EEF2KMT: variants seen among roughly 807,000 people sequenced by gnomAD.
The protein encoded by EEF2KMT is eukaryotic elongation factor 2 lysine methyltransferase, also known as protein-lysine N-methyltransferase EEF2KMT.
In EEF2KMT, 30 loss-of-function variants were observed where a neutral mutation model predicts 35.1. That is an observed-to-expected ratio of 0.85 (90% CI 0.64 to 1.16). The LOEUF (loss-of-function observed/expected upper bound fraction) is 1.16, where lower values mean the gene tolerates loss of function less well. EEF2KMT is among the 50% of genes most tolerant of loss of function. EEF2KMT has a pLI of 0.00. For missense variants in EEF2KMT, 499 were observed against 438.2 expected (o/e 1.14, Z -1.24); for synonymous variants, 190 against 187.7 (o/e 1.01, Z -0.10).
At chr16:5,094,060 G>T (rs1466911601) in intron 2 of EEF2KMT, among the ~76,000 whole-genome samples, 2 of 152,228 alleles carry the variant, frequency 1.3e-5, no homozygotes, top group East Asian at 3.8e-4. Context: ...AACAGCTGGT[G>T]CAAGCTCTGA....
rs1567174692 is a variant in EEF2KMT at position 5,085,697 on chromosome 16, G to A, written c.928C>T (p.His310Tyr). The A allele has an allele frequency of 3.7e-6, 6 of 1,611,806 alleles. No individual in the cohort carries two copies. Among genetic ancestry groups the A allele is most frequent in the East Asian group, 2.2e-5 (1 of 44,884 alleles). The change falls in exon 8 of 8, where the codon CAT (histidine) becomes TAT (tyrosine). Residue 310 changes from histidine (H) to tyrosine (Y), a missense_variant. Coordinates refer to ENST00000427587, the MANE Select transcript of EEF2KMT (RefSeq NM_201400.4). ...AGIRWEVEPR[H>Y]EQKLFPYEEH... is the part of the protein sequence containing the mutation. ...TCGTAGGGAAACAGTTTCTGCTCAT[G>A]ACGAGGTTCCACTTCCCATCTGATC... is the stretch of plus-strand genomic sequence containing the variant.
At chr16:5,085,794 G>T (rs1256295947) in intron 7 of EEF2KMT, 62 bp from the exon 8 acceptor site, 15 of 1,288,704 alleles carry the variant, frequency 1.2e-5, no homozygotes, top group Non-Finnish European at 1.6e-5. Context: ...TGAGGGTATT[G>T]TGTGGGGCTG....
intron 2 of EEF2KMT, among the ~76,000 whole-genome samples, chr16:5,093,985 C>T (rs542255025): frequency 3.3e-5 from 5 of 152,300 alleles, no homozygotes; most frequent in South Asian, 2.1e-4. Context: ...CGGGACGCTC[C>T]GGGTGACACT....
intron 2 of EEF2KMT, among the ~76,000 whole-genome samples, chr16:5,094,096 A>T (rs1393765404): frequency 6.6e-6 from 1 of 151,266 alleles, no homozygotes; most frequent in Non-Finnish European, 1.5e-5. Flanking sequence ...GCACTTGGAA[A>T]GGAGGGCAGA....
At chr16:5,097,331 C>G in intron 1 of EEF2KMT, 1 of 1,402,734 alleles carries the variant, frequency 7.1e-7, no homozygotes, top group Non-Finnish European at 9.4e-7. Flanking sequence ...CAGCTGTGTC[C>G]CAGTGACCAG....
rs139885048 is a variant in EEF2KMT at position 5,090,133 on chromosome 16, C to G, written c.693G>C (p.Ala231=). Residue 231 remains alanine, a synonymous_variant, in exon 6 of 8, where the codon GCG becomes GCC. Coordinates refer to ENST00000427587, the MANE Select transcript of EEF2KMT (RefSeq NM_201400.4). This position sits in a 1 kb window ranked among gnomAD's most constrained non-coding sequence, Gnocchi z 4.1. ...VTVAQLDWDV[A]TVHQLSAFQP... ...GGAAGGCAGAGAGCTGATGGACCGT[C>G]GCGACGTCCCAGTCCAGCTGGGCCA... 73 of 1,609,850 alleles carry G rather than the reference C, an allele frequency of 4.5e-5. No homozygotes were observed. In the African/African-American group the frequency reaches 7.6e-4, roughly 17 times the overall value.
Position 5,085,353 on chromosome 16 carries a change from G to A in EEF2KMT, c.*279C>T, listed in dbSNP as rs1162927859. 1.6e-5 allele frequency: 8 copies of A among 509,334 alleles called. No individual in the cohort carries two copies. Among genetic ancestry groups the A allele is most frequent in the African/African-American group, 1.2e-4 (6 of 51,522 alleles). 31.6% of individuals were successfully genotyped at this position (509,334 alleles called of 1,614,324 possible). On this transcript the variant is annotated 3_prime_UTR_variant, in exon 8 of 8. Coordinates refer to ENST00000427587, the MANE Select transcript of EEF2KMT (RefSeq NM_201400.4). ...GGGGAACATCATACTTGATACACAC[G>A]TTTTTATTTGCACAAAGAAAATGCT...
chr16:5,086,489 C>T (rs1393694215), intron 7 of EEF2KMT: 1 of 152,032 alleles, frequency 6.6e-6, no homozygotes, highest in African/African-American at 2.4e-5. Flanking sequence ...TGTTCTGTCA[C>T]CCAGGCTGGA....
intron 4 of EEF2KMT, among the ~76,000 whole-genome samples, chr16:5,091,356 A>T (rs1957336729): frequency 6.6e-6 from 1 of 152,124 alleles, no homozygotes; most frequent in Admixed American, 6.5e-5. Flanking sequence ...TGCTGGGATT[A>T]CAGGCATGAG....
rs749397803 is a variant in EEF2KMT, at chr16:5,095,530, A to G, written c.97-16T>C. ...CTTCTAAGCTCTGTGTGGAGGGGAA[A>G]GAGAGAAATCTCAAGGGCGCATTCA... On this transcript the variant is annotated splice_polypyrimidine_tract_variant and intron_variant, in intron 1 of 7. Transcript: ENST00000427587. 8.7e-6 allele frequency: 14 copies of G among 1,611,110 alleles called. No individual in the cohort carries two copies. In the Admixed American group the frequency reaches 2.0e-4, roughly 23 times the overall value.
At chr16:5,088,688 C>T (rs1157731868) in intron 7 of EEF2KMT, among the ~76,000 whole-genome samples, 6 of 152,136 alleles carry the variant, frequency 3.9e-5, no homozygotes, top group African/African-American at 7.2e-5. Context: ...TCACCCTGCT[C>T]GTCTTCCACC....
intron 1 of EEF2KMT, 138 bp downstream of exon 1, chr16:5,097,506 G>C (rs865833710): frequency 4.1e-6 from 6 of 1,446,406 alleles, no homozygotes; most frequent in Non-Finnish European, 4.6e-6. Flanking sequence ...GACGGGGACC[G>C]GGTCGCGCGG....
In EEF2KMT at chr16:5,089,219, G is replaced by C; in HGVS notation, c.780C>G (p.Val260=). 1 of 1,607,980 alleles carries C rather than the reference G, an allele frequency of 6.2e-7. No homozygotes were observed. The highest frequency in any genetic ancestry group is 2.2e-5 in the East Asian group (1 of 44,884). Residue 260 remains valine, a synonymous_variant, in exon 7 of 8, where the codon GTC becomes GTG. Coordinates refer to ENST00000427587, the MANE Select transcript of EEF2KMT (RefSeq NM_201400.4). ...AGGCAGCCAGCCTCCGCAGGACCCC[G>C]ACCAGCGACATGATGGCTTCTGGGC... The part of the protein sequence containing the change: ...LYCPEAIMSL[V]GVLRRLAACR...
chr16:5,085,745 C>T lies in EEF2KMT; in HGVS notation c.893-13G>A, dbSNP rs1364719150. 16 of 1,597,226 alleles carry T rather than the reference C, an allele frequency of 1.0e-5. No individual in the cohort carries two copies. Among genetic ancestry groups the T allele is most frequent in the Admixed American group, 1.7e-5 (1 of 59,964 alleles). ...ATCCCGGCCCGGCCTGGAAACAGAGCACATGTGTTTGAGGATGGCGGTGTT... is the reference window on the plus strand; with the variant it reads ...ATCCCGGCCCGGCCTGGAAACAGAGTACATGTGTTTGAGGATGGCGGTGTT... On this transcript the variant is annotated splice_polypyrimidine_tract_variant and intron_variant, in intron 7 of 7. Coordinates refer to ENST00000427587, the MANE Select transcript of EEF2KMT (RefSeq NM_201400.4).
At chr16:5,097,161 A>C (rs767660207) in intron 1 of EEF2KMT, 5 of 542,568 alleles carry the variant, frequency 9.2e-6, no homozygotes, top group South Asian at 5.6e-5. Context: ...CTTCCATCAC[A>C]GGCGTGACAG....
intron 6 of EEF2KMT, chr16:5,089,461 A>G: frequency 1.4e-6 from 1 of 728,586 alleles, no homozygotes. Context: ...AGACCGAAGC[A>G]AAAGAAAAAA....
At position 5,090,553 on chromosome 16, in the gene EEF2KMT, A is replaced by G; in HGVS notation, c.355T>C (p.Ser119Pro). 6.2e-7 allele frequency: 1 copy of G among 1,611,910 alleles called. No homozygotes were observed. Among genetic ancestry groups the G allele is most frequent in the Non-Finnish European group, 8.5e-7 (1 of 1,179,840 alleles). ...HRSYLLPSGG[S>P]VTLSESTAII... ...GCCGTGCTCTCGGAGAGTGTGACCG[A>G]GCCTCCCGAGGGCTGCACCAAGAGA... is the stretch of plus-strand genomic sequence containing the variant. The change falls in exon 5 of 8, where the codon TCG becomes CCG. Residue 119 changes from serine to proline, a missense_variant. By Grantham distance (74) the Ser-to-Pro change is moderately conservative (BLOSUM62 -1). Coordinates refer to ENST00000427587, the MANE Select transcript of EEF2KMT (RefSeq NM_201400.4). This position sits in a 1 kb window ranked among gnomAD's most constrained non-coding sequence, Gnocchi z 4.1.
At chr16:5,088,976 T>C (rs1377000550) in intron 7 of EEF2KMT, 131 bp downstream of exon 7, 75 of 1,582,032 alleles carry the variant, frequency 4.7e-5, no homozygotes, top group Admixed American at 2.8e-4. Flanking sequence ...GGCCTCTGCC[T>C]GAGTTCCCCC....
At chr16:5,086,747 T>G (rs1477796784) in intron 7 of EEF2KMT, 1 of 152,250 alleles carries the variant, frequency 6.6e-6, no homozygotes, top group Non-Finnish European at 1.5e-5. Context: ...CTCAGCTCAC[T>G]GCAACGCCTC....
Sources: allele counts gnomAD v4.1 joint callset (sites outside exome capture counted in the v4.1 genomes callset), GRCh38; gene constraint gnomAD v4.1.1; non-coding constraint Gnocchi (gnomAD v3.1); transcripts MANE v1.5; gene names NCBI Gene and HGNC (gene_info 2026-07-23, HGNC 2026-07-21).